The following ZFPM2 variants were observed in gnomAD, a reference collection of about 807,000 sequenced individuals.
ZFPM2 encodes zinc finger protein, FOG family member 2.
In ZFPM2, 20 loss-of-function variants were observed where a neutral mutation model predicts 98.6. That is an observed-to-expected ratio of 0.20 (90% CI 0.14 to 0.29). The LOEUF (loss-of-function observed/expected upper bound fraction) is 0.29, where lower values mean the gene tolerates loss of function less well. Among genes scored for constraint, ZFPM2 ranks in the 10% least tolerant of loss-of-function variants. The probability of loss-of-function intolerance (pLI) is 1.00; values close to 1 mark genes in which losing one functional copy is unlikely to be tolerated. For missense variants in ZFPM2, 1,310 were observed against 1,388.6 expected (o/e 0.94, Z 0.90); for synonymous variants, 518 against 502.7 (o/e 1.03, Z -0.41).
intron 4 of ZFPM2, among the ~76,000 whole-genome samples, chr8:105,585,425 G>A (rs868161251): frequency 3.3e-5 from 5 of 152,186 alleles, no homozygotes; most frequent in African/African-American, 1.2e-4. Flanking sequence ...TTATTTGTCT[G>A]AAATGCATAC....
intron 4 of ZFPM2, among the ~76,000 whole-genome samples, chr8:105,631,393 G>A (rs1299030857): frequency 2.0e-5 from 3 of 152,080 alleles, no homozygotes; most frequent in Non-Finnish European, 2.9e-5. Flanking sequence ...ATAGCAAAAA[G>A]AGTGCTAAAG....
chr8:105,618,805 A>C (rs1385901754), intron 4 of ZFPM2, among the ~76,000 whole-genome samples: 1 of 152,154 alleles, frequency 6.6e-6, no homozygotes, highest in East Asian at 1.9e-4. Context: ...AAATTCAATC[A>C]GTCTGGCCCC....
At chr8:105,656,201 T>C (rs1400819510) in intron 5 of ZFPM2, among the ~76,000 whole-genome samples, 1 of 152,100 alleles carries the variant, frequency 6.6e-6, no homozygotes, top group East Asian at 1.9e-4. Context: ...CTCCTTTACA[T>C]AGAACCAACT....
chr8:105,687,688 G>C (rs987824079), intron 5 of ZFPM2, among the ~76,000 whole-genome samples: 1 of 151,998 alleles, frequency 6.6e-6, no homozygotes, highest in African/African-American at 2.4e-5. Context: ...ATATAAAAAT[G>C]GATATCAAAA....
intron 1 of ZFPM2, among the ~76,000 whole-genome samples, chr8:105,373,162 A>G (rs1423386784): frequency 6.6e-6 from 1 of 152,178 alleles, no homozygotes; most frequent in Non-Finnish European, 1.5e-5. Context: ...TTCCATCGTG[A>G]TTGGCGTTTT....
intron 1 of ZFPM2, among the ~76,000 whole-genome samples, chr8:105,416,576 T>G (rs1811683317): frequency 6.6e-6 from 1 of 151,900 alleles, no homozygotes; most frequent in Non-Finnish European, 1.5e-5. Flanking sequence ...AGCTTTACTT[T>G]TCATTAGTAA....
chr8:105,734,524 C>T (rs1812023610), intron 5 of ZFPM2, among the ~76,000 whole-genome samples: 1 of 151,866 alleles, frequency 6.6e-6, no homozygotes, highest in Non-Finnish European at 1.5e-5. Flanking sequence ...TGGTTAATTC[C>T]TCCATTTTGT....
At chr8:105,347,088 A>G (rs1339709660) in intron 1 of ZFPM2, among the ~76,000 whole-genome samples, 1 of 152,140 alleles carries the variant, frequency 6.6e-6, no homozygotes, top group East Asian at 1.9e-4. Flanking sequence ...TTGAGAAAGT[A>G]TATTATTGGA....
chr8:105,711,777 G>C (rs1343646297), intron 5 of ZFPM2, among the ~76,000 whole-genome samples: 1 of 151,940 alleles, frequency 6.6e-6, no homozygotes, highest in Non-Finnish European at 1.5e-5. Context: ...TGGAGTTTTA[G>C]GTCTTTTCAT....
intron 4 of ZFPM2, among the ~76,000 whole-genome samples, chr8:105,608,055 T>C (rs1283992187): frequency 6.6e-6 from 1 of 151,994 alleles, no homozygotes; most frequent in African/African-American, 2.4e-5. Context: ...AGCTGGAGGG[T>C]ATTATCCCTA....
chr8:105,521,193 C>T (rs1211347542), intron 3 of ZFPM2, among the ~76,000 whole-genome samples: 2 of 151,910 alleles, frequency 1.3e-5, no homozygotes, highest in African/African-American at 4.8e-5. Flanking sequence ...ACCTCCCCCC[C>T]ATACACACAC....
At chr8:105,431,826 A>G (rs1296506415) in intron 2 of ZFPM2, among the ~76,000 whole-genome samples, 2 of 150,378 alleles carry the variant, frequency 1.3e-5, no homozygotes, top group Non-Finnish European at 2.9e-5. Context: ...AGGCTAAGGT[A>G]GAAGAGTTGC....
chr8:105,456,287 A>G (rs1812592140), intron 3 of ZFPM2, among the ~76,000 whole-genome samples: 1 of 151,794 alleles, frequency 6.6e-6, no homozygotes, highest in African/African-American at 2.4e-5. Context: ...TTTATCTAGA[A>G]CTATTTCATG....
intron 2 of ZFPM2, among the ~76,000 whole-genome samples, chr8:105,428,503 T>C (rs1811957909): frequency 6.6e-6 from 1 of 152,206 alleles, no homozygotes; most frequent in Admixed American, 6.5e-5. Context: ...AGCTACAGTT[T>C]CTCACTGCCT....
intron 3 of ZFPM2, among the ~76,000 whole-genome samples, chr8:105,487,119 A>ATTT: frequency 6.6e-6 from 1 of 152,004 alleles, no homozygotes; most frequent in Non-Finnish European, 1.5e-5. Context: ...GTTATATTAT[A>ATTT]TTTTTATTTT....
At chr8:105,782,928 C>CACCT (rs1161962349) in intron 5 of ZFPM2, among the ~76,000 whole-genome samples, 1 of 152,058 alleles carries the variant, frequency 6.6e-6, no homozygotes, top group African/African-American at 2.4e-5. Flanking sequence ...CCTTAAATTT[C>CACCT]ACCTCTATAG....
rs1414757519 is a variant in ZFPM2 at position 105,345,407 on chromosome 8, T to C, written c.40+26426T>C. On this transcript the variant is annotated intron_variant, in intron 1 of 7. Coordinates refer to ENST00000407775, the MANE Select transcript of ZFPM2 (RefSeq NM_012082.4). ...GAGCATGATTCTGCGCTGACATATCTAGCTTATTCGTGATGTTCTTTTTTT... is the reference window on the plus strand; with the variant it reads ...GAGCATGATTCTGCGCTGACATATCCAGCTTATTCGTGATGTTCTTTTTTT... 1.8e-4 allele frequency among the ~76,000 whole-genome samples: 27 copies of C among 149,394 alleles called. No individual in the cohort carries two copies. The Admixed American group carries it at 1.8e-3, about 10-fold the overall frequency.
intron 1 of ZFPM2, among the ~76,000 whole-genome samples, chr8:105,385,787 T>G (rs142007469): frequency 6.6e-6 from 1 of 152,320 alleles, no homozygotes; most frequent in Middle Eastern, 3.4e-3. Flanking sequence ...GAGGATAAGC[T>G]GTGAAGGACA....
chr8:105,755,420 C>G (rs926785779), intron 5 of ZFPM2, among the ~76,000 whole-genome samples: 3 of 152,022 alleles, frequency 2.0e-5, no homozygotes, highest in Non-Finnish European at 4.4e-5. Context: ...TGCACACTGC[C>G]CAACTCTGAC....
Sources: allele counts gnomAD v4.1 joint callset (sites outside exome capture counted in the v4.1 genomes callset), GRCh38; gene constraint gnomAD v4.1.1; transcripts MANE v1.5; gene names NCBI Gene and HGNC (gene_info 2026-07-23, HGNC 2026-07-21).